The following MAGI3 variants were observed in gnomAD, a reference collection of about 807,000 sequenced individuals.
MAGI3 encodes membrane-associated guanylate kinase, WW and PDZ domain-containing protein 3.
A neutral mutation model predicts 121.8 loss-of-function variants in MAGI3; 43 were observed. The ratio of observed to expected loss-of-function variants is 0.35; its 90% CI spans 0.28 to 0.46. MAGI3 has a LOEUF of 0.46. Among genes scored for constraint, MAGI3 ranks in the 20% least tolerant of loss-of-function variants. The pLI is 1.00. For synonymous variants in MAGI3, 553 were observed against 639.3 expected, an observed-to-expected ratio of 0.86 and a Z score of 2.04; for missense variants, 1,547 against 1,797.3, an observed-to-expected ratio of 0.86 and a Z score of 2.52.
chr1:113,606,256 C>G (rs1173993341), intron 6 of MAGI3, among the ~76,000 whole-genome samples: 1 of 152,100 alleles, frequency 6.6e-6, no homozygotes, highest in Non-Finnish European at 1.5e-5. Flanking sequence ...TGTGAGCCAC[C>G]ATGCCCAGCC....
Position 113,391,611 on chromosome 1 carries a change from T to C in MAGI3, c.316+262T>C, listed in dbSNP as rs1650824552. 6.6e-6 allele frequency among the ~76,000 whole-genome samples: 1 copy of C among 152,160 alleles called. No homozygotes were observed. The highest frequency in any genetic ancestry group is 2.1e-4 in the South Asian group (1 of 4,832). On this transcript the variant is annotated intron_variant, in intron 1 of 20. Coordinates refer to ENST00000307546, the MANE Select transcript of MAGI3 (RefSeq NM_001142782.2). This position sits in a 1 kb window ranked among gnomAD's most constrained non-coding sequence, Gnocchi z 4.4. Reference sequence around the variant, plus strand: ...AATTGCGACTAGAAGCTGGGTTTCCTACATTTGTAGCTCCATCTCCCCCCG... The same window carrying C: ...AATTGCGACTAGAAGCTGGGTTTCCCACATTTGTAGCTCCATCTCCCCCCG...
At chr1:113,439,858 A>G (rs1653825286) in intron 1 of MAGI3, among the ~76,000 whole-genome samples, 1 of 151,010 alleles carries the variant, frequency 6.6e-6, no homozygotes, top group African/African-American at 2.4e-5. Context: ...TAATTTCCCC[A>G]GTTATTAAAT....
At chr1:113,484,201 G>T (rs1291225987) in intron 1 of MAGI3, among the ~76,000 whole-genome samples, 1 of 152,138 alleles carries the variant, frequency 6.6e-6, no homozygotes, top group Non-Finnish European at 1.5e-5. Context: ...CCTGAAGTAT[G>T]ATTCTAATCC....
At chr1:113,407,650 A>G (rs548765624) in intron 1 of MAGI3, among the ~76,000 whole-genome samples, 1 of 151,726 alleles carries the variant, frequency 6.6e-6, no homozygotes, top group Non-Finnish European at 1.5e-5. Flanking sequence ...AGTTTTTCTA[A>G]TTTTACAGAT....
At chr1:113,598,857 A>G (rs781037608) in intron 6 of MAGI3, among the ~76,000 whole-genome samples, 1 of 152,152 alleles carries the variant, frequency 6.6e-6, no homozygotes, top group Non-Finnish European at 1.5e-5. Context: ...CTAACCAAGA[A>G]CTGCAGAATA....
chr1:113,673,216 C>T (rs1274203711), intron 18 of MAGI3, 106 bp from the exon 19 acceptor site: 71 of 1,305,762 alleles, frequency 5.4e-5, no homozygotes, highest in Non-Finnish European at 6.9e-5. Flanking sequence ...TAGAAATGCA[C>T]ATTGAGAGTA....
At chr1:113,539,149 CT>C (rs971685194) in intron 1 of MAGI3, among the ~76,000 whole-genome samples, 1 of 152,082 alleles carries the variant, frequency 6.6e-6, no homozygotes, top group Non-Finnish European at 1.5e-5. Flanking sequence ...AATCCCAGCA[CT>C]TTGGGAGGCC....
intron 2 of MAGI3, among the ~76,000 whole-genome samples, chr1:113,573,705 G>A (rs1387701097): frequency 6.6e-6 from 1 of 152,164 alleles, no homozygotes; most frequent in East Asian, 1.9e-4. Context: ...ATGTCTATTA[G>A]GTCTGCTTGG....
rs1192149817 is a variant in MAGI3 at position 113,642,242 on chromosome 1, A to G, written c.1692A>G (p.Val564=). The part of the protein sequence containing the change: ...NGPSDASEQR[V]SMASSGSSQP... Reference sequence around the variant, plus strand: ...CATCAGATGCAAGTGAGCAGAGAGTATCCATGGCATCGTCAGGCAGCTCCC... The same window carrying G: ...CATCAGATGCAAGTGAGCAGAGAGTGTCCATGGCATCGTCAGGCAGCTCCC... Residue 564 remains valine, a synonymous_variant, in exon 10 of 21, where the codon GTA becomes GTG. Coordinates refer to ENST00000307546, the MANE Select transcript of MAGI3 (RefSeq NM_001142782.2). 3.7e-6 allele frequency: 6 copies of G among 1,614,162 alleles called. No homozygotes were observed. The highest frequency in any genetic ancestry group is 4.2e-6 in the Non-Finnish European group (5 of 1,180,018).
At chr1:113,665,387 T>C (rs1403544542) in intron 16 of MAGI3, among the ~76,000 whole-genome samples, 1 of 152,112 alleles carries the variant, frequency 6.6e-6, no homozygotes, top group Non-Finnish European at 1.5e-5. Context: ...ATTTTTTATT[T>C]TTTTATCTGT....
At chr1:113,634,330 G>T (rs1472346175) in intron 9 of MAGI3, among the ~76,000 whole-genome samples, 1 of 152,058 alleles carries the variant, frequency 6.6e-6, no homozygotes, top group Non-Finnish European at 1.5e-5. Context: ...GTCCTGAATG[G>T]TAATGCCTAG....
chr1:113,558,901 G>A (rs1660103933), intron 2 of MAGI3, among the ~76,000 whole-genome samples: 1 of 152,068 alleles, frequency 6.6e-6, no homozygotes, highest in Non-Finnish European at 1.5e-5. Flanking sequence ...AAGAGATTGG[G>A]GCCAGTAGTC....
chr1:113,577,552 G>A (rs959313529), intron 2 of MAGI3, among the ~76,000 whole-genome samples: 13 of 151,762 alleles, frequency 8.6e-5, no homozygotes, highest in South Asian at 2.1e-4. Context: ...TATGGAATGC[G>A]AAAAGTAATG....
intron 1 of MAGI3, among the ~76,000 whole-genome samples, chr1:113,515,178 T>G (rs1056302696): frequency 1.3e-5 from 2 of 152,090 alleles, no homozygotes; most frequent in Admixed American, 1.3e-4. Context: ...ATTTTTTTTT[T>G]GATCTCACGG....
chr1:113,640,410 A>G (rs1652380333), intron 9 of MAGI3, among the ~76,000 whole-genome samples: 3 of 152,218 alleles, frequency 2.0e-5, no homozygotes. Context: ...AAATCATTCT[A>G]CTATAAAGAC....
chr1:113,408,080 T>C (rs1182578934), intron 1 of MAGI3, among the ~76,000 whole-genome samples: 3 of 152,156 alleles, frequency 2.0e-5, no homozygotes, highest in Non-Finnish European at 2.9e-5. Flanking sequence ...GTGCCTTGCA[T>C]ACCTACTATG....
chr1:113,469,214 C>T (rs1009158806), intron 1 of MAGI3, among the ~76,000 whole-genome samples: 3 of 152,054 alleles, frequency 2.0e-5, no homozygotes, highest in African/African-American at 7.2e-5. Flanking sequence ...GAGACAGGGA[C>T]ATTAAGTAAC....
At chr1:113,529,604 C>G (rs1557805623) in intron 1 of MAGI3, among the ~76,000 whole-genome samples, 1 of 152,180 alleles carries the variant, frequency 6.6e-6, no homozygotes, top group Non-Finnish European at 1.5e-5. Flanking sequence ...AGTACTACAA[C>G]TCTAACTATC....
chr1:113,464,664 T>C (rs1655188652), intron 1 of MAGI3, among the ~76,000 whole-genome samples: 1 of 152,228 alleles, frequency 6.6e-6, no homozygotes, highest in Non-Finnish European at 1.5e-5. Context: ...GCATTGTTAT[T>C]GTCTGTCTTT....
Sources: gnomAD v4.1 joint callset for allele counts (sites outside exome capture counted in the v4.1 genomes callset) on GRCh38, gnomAD v4.1.1 for gene constraint, Gnocchi (gnomAD v3.1) non-coding constraint, MANE v1.5 for transcripts, NCBI Gene and HGNC (gene_info 2026-07-23, HGNC 2026-07-21) for gene names.